The following ADGRL3 variants were observed in gnomAD, a reference collection of about 807,000 sequenced individuals.
The protein encoded by ADGRL3 is adhesion G protein-coupled receptor L3.
In ADGRL3, 62 loss-of-function variants were observed where a neutral mutation model predicts 153.5. That is an observed-to-expected ratio of 0.40 (90% CI 0.33 to 0.50). ADGRL3 has a LOEUF of 0.50. Among genes scored for constraint, ADGRL3 ranks in the 20% least tolerant of loss-of-function variants. ADGRL3 has a pLI of 0.47. For missense variants in ADGRL3, 1,641 were observed against 1,859.4 expected, an observed-to-expected ratio of 0.88 and a Z score of 2.16; for synonymous variants, 710 against 672.5, an observed-to-expected ratio of 1.06 and a Z score of -0.86.
chr4:61,888,352 G>A (rs192046910), intron 9 of ADGRL3, among the ~76,000 whole-genome samples: 1 of 152,288 alleles, frequency 6.6e-6, no homozygotes, highest in Non-Finnish European at 1.5e-5. Flanking sequence ...TTCAATAACA[G>A]TATATATTGA....
At chr4:61,555,997 C>T (rs2098764413) in intron 4 of ADGRL3, among the ~76,000 whole-genome samples, 1 of 152,076 alleles carries the variant, frequency 6.6e-6, no homozygotes, top group Non-Finnish European at 1.5e-5. Flanking sequence ...CTTGTGCTGT[C>T]CTCTTATCTC....
intron 8 of ADGRL3, among the ~76,000 whole-genome samples, chr4:61,792,819 C>T (rs2097359966): frequency 6.6e-6 from 1 of 151,940 alleles, no homozygotes; most frequent in Non-Finnish European, 1.5e-5. Flanking sequence ...TTTTTCTGAG[C>T]CCTCCAAACT....
intron 2 of ADGRL3, among the ~76,000 whole-genome samples, chr4:61,485,975 G>A (rs891449847): frequency 1.3e-5 from 2 of 150,896 alleles, no homozygotes; most frequent in South Asian, 2.1e-4. Flanking sequence ...ATGGAGTCTC[G>A]CTCTGTCGCC....
chr4:61,716,425 CA>C (rs1275012393), intron 6 of ADGRL3, among the ~76,000 whole-genome samples: 1 of 152,048 alleles, frequency 6.6e-6, no homozygotes, highest in African/African-American at 2.4e-5. Flanking sequence ...TTGAAGTTTG[CA>C]AGATAAATAC....
At chr4:61,365,892 A>T (rs974215935) in intron 1 of ADGRL3, among the ~76,000 whole-genome samples, 3 of 152,242 alleles carry the variant, frequency 2.0e-5, no homozygotes, top group African/African-American at 7.2e-5. Flanking sequence ...TATAAATTGA[A>T]GAGAATAATG....
At chr4:61,438,323 C>A (rs1227307602) in intron 2 of ADGRL3, among the ~76,000 whole-genome samples, 1 of 146,294 alleles carries the variant, frequency 6.8e-6, no homozygotes, top group East Asian at 1.9e-4. Context: ...CCTGTTGTAT[C>A]TCCTTCCTTT....
At chr4:61,857,436 G>C (rs1373271163) in intron 9 of ADGRL3, among the ~76,000 whole-genome samples, 1 of 152,006 alleles carries the variant, frequency 6.6e-6, no homozygotes, top group African/African-American at 2.4e-5. Flanking sequence ...AGAATGTCTT[G>C]GGGGGATTTT....
intron 1 of ADGRL3, among the ~76,000 whole-genome samples, chr4:61,349,894 A>G (rs1482113871): frequency 6.6e-6 from 1 of 152,180 alleles, no homozygotes; most frequent in Non-Finnish European, 1.5e-5. Context: ...GCATTTCCAT[A>G]CCTTGATCTT....
At chr4:61,524,087 T>A (rs1306119024) in intron 4 of ADGRL3, among the ~76,000 whole-genome samples, 1 of 152,116 alleles carries the variant, frequency 6.6e-6, no homozygotes, top group Non-Finnish European at 1.5e-5. Context: ...CAGATACTTC[T>A]CAGAATAAGT....
At chr4:61,952,110 T>C (rs1032597264) in intron 17 of ADGRL3, among the ~76,000 whole-genome samples, 1 of 152,150 alleles carries the variant, frequency 6.6e-6, no homozygotes, top group African/African-American at 2.4e-5. Context: ...AGGGAAAGTA[T>C]TAATCTCCTT....
At chr4:61,570,206 T>A (rs571120993) in intron 4 of ADGRL3, among the ~76,000 whole-genome samples, 2 of 152,234 alleles carry the variant, frequency 1.3e-5, no homozygotes, top group East Asian at 3.9e-4. Context: ...AGTGAACTTA[T>A]CTTTGCTATC....
chr4:61,580,994 T>C (rs932139993), intron 4 of ADGRL3, among the ~76,000 whole-genome samples: 8 of 152,084 alleles, frequency 5.3e-5, no homozygotes, highest in Non-Finnish European at 1.2e-4. Flanking sequence ...CATTTTAAAA[T>C]TGCCACGTGT....
intron 5 of ADGRL3, among the ~76,000 whole-genome samples, chr4:61,594,405 T>C (rs989779083): frequency 1.3e-5 from 2 of 152,150 alleles, no homozygotes; most frequent in Non-Finnish European, 2.9e-5. Flanking sequence ...TAGATATTTA[T>C]TGTAGTCTTT....
chr4:61,705,244 G>C (rs1361153820), intron 6 of ADGRL3, among the ~76,000 whole-genome samples: 1 of 151,766 alleles, frequency 6.6e-6, no homozygotes, highest in East Asian at 1.9e-4. Context: ...ATTACTCTTT[G>C]GTCCATGAGC....
chr4:61,652,753 CT>C (rs1298245351), intron 5 of ADGRL3, among the ~76,000 whole-genome samples: 3 of 152,188 alleles, frequency 2.0e-5, no homozygotes, highest in African/African-American at 7.2e-5. Flanking sequence ...ATTATAACCA[CT>C]TTTTCCCCCT....
At chr4:61,851,964 G>A (rs918826276) in intron 9 of ADGRL3, among the ~76,000 whole-genome samples, 3 of 152,140 alleles carry the variant, frequency 2.0e-5, no homozygotes, top group Non-Finnish European at 4.4e-5. Flanking sequence ...CATCACGCAC[G>A]TGTTTACGGA....
chr4:61,236,934 T>C (rs1032352271), intron 1 of ADGRL3, among the ~76,000 whole-genome samples: 3 of 152,194 alleles, frequency 2.0e-5, no homozygotes, highest in Non-Finnish European at 4.4e-5. Flanking sequence ...AATTTGACTT[T>C]CTATTTCAGA....
At chr4:61,918,504 G>A (rs2098754491) in intron 13 of ADGRL3, among the ~76,000 whole-genome samples, 1 of 152,100 alleles carries the variant, frequency 6.6e-6, no homozygotes, top group Non-Finnish European at 1.5e-5. Flanking sequence ...AGTGTAAAGA[G>A]AGAAAAGAAA....
intron 19 of ADGRL3, among the ~76,000 whole-genome samples, chr4:61,994,209 G>T (rs1004223010): frequency 1.3e-5 from 2 of 152,074 alleles, no homozygotes; most frequent in African/African-American, 4.8e-5. Flanking sequence ...GTACAGTGCC[G>T]GGTTCATGAC....
Sources: allele counts gnomAD v4.1 joint callset (sites outside exome capture counted in the v4.1 genomes callset), GRCh38; gene constraint gnomAD v4.1.1; transcripts MANE v1.5; gene names NCBI Gene and HGNC (gene_info 2026-07-23, HGNC 2026-07-21).